PDS5B: variants seen among roughly 807,000 people sequenced by gnomAD.
PDS5B encodes PDS5 cohesin associated factor B.
In PDS5B, 51 loss-of-function variants were observed where a neutral mutation model predicts 184.1. That is an observed-to-expected ratio of 0.28 (90% CI 0.22 to 0.35). The LOEUF (loss-of-function observed/expected upper bound fraction) is 0.35, where lower values mean the gene tolerates loss of function less well. Among genes scored for constraint, PDS5B ranks in the 10% least tolerant of loss-of-function variants. The probability of loss-of-function intolerance (pLI) is 1.00; values close to 1 mark genes in which losing one functional copy is unlikely to be tolerated. For synonymous variants in PDS5B, 566 were observed against 569.2 expected, an observed-to-expected ratio of 0.99 and a Z score of 0.08; for missense variants, 1,180 against 1,723.3, an observed-to-expected ratio of 0.68 and a Z score of 5.58.
In PDS5B at chr13:32,770,700, C is replaced by G; in HGVS notation, c.4111C>G (p.Pro1371Ala). Residue 1371 changes from proline (P) to alanine (A), a missense_variant, in exon 33 of 35, where the codon CCA (proline) becomes GCA (alanine). Pro to Ala is a conservative substitution (Grantham distance 27, BLOSUM62 -1). Coordinates refer to ENST00000315596, the MANE Select transcript of PDS5B (RefSeq NM_015032.4). The part of the protein sequence containing the change: ...SSAIESTQST[P>A]QKGRGRPSKT... ...TGCAATTGAATCCACACAGTCCACA[C>G]CACAGAAAGGACGAGGAAGACCATC... is the stretch of plus-strand genomic sequence containing the variant. The G allele has an allele frequency of 6.2e-7, 1 of 1,611,444 alleles. No homozygotes were observed.
intron 1 of PDS5B, among the ~76,000 whole-genome samples, chr13:32,602,256 C>T (rs1244137597): frequency 1.3e-5 from 2 of 152,116 alleles, no homozygotes; most frequent in Non-Finnish European, 1.5e-5. Context: ...CTTCCCCTCA[C>T]CCCACTACAG....
chr13:32,638,799 T>G (rs372378971), intron 1 of PDS5B, among the ~76,000 whole-genome samples: 1 of 151,774 alleles, frequency 6.6e-6, no homozygotes, highest in Non-Finnish European at 1.5e-5. Context: ...ATTTCCTTTC[T>G]GGTATTAGGG....
chr13:32,594,770 G>A (rs1243710393), intron 1 of PDS5B, among the ~76,000 whole-genome samples: 2 of 152,030 alleles, frequency 1.3e-5, no homozygotes, highest in African/African-American at 2.4e-5. Flanking sequence ...TTTTTTTGAT[G>A]TTTCTAATCT....
In PDS5B at chr13:32,651,839, C is replaced by T. The variant is rs1454725407; in HGVS notation, c.144C>T (p.Asp48=). ...AAACTTTTATGGATATGGACCAGGA[C>T]TCTGAAGAAGAAAAGGAGCTTTATT... is the stretch of plus-strand genomic sequence containing the variant. ...VVKTFMDMDQ[D]SEEEKELYLN... Residue 48 remains aspartate (D), a synonymous_variant, in exon 3 of 35, where the codon GAC becomes GAT. Transcript: ENST00000315596. 6.2e-7 allele frequency: 1 copy of T among 1,612,616 alleles called. No individual in the cohort carries two copies.
intron 8 of PDS5B, among the ~76,000 whole-genome samples, chr13:32,674,072 C>T (rs1038251179): frequency 6.6e-6 from 1 of 152,136 alleles, no homozygotes; most frequent in Non-Finnish European, 1.5e-5. Flanking sequence ...GCCTCGGCCT[C>T]CCAATGTTGA....
At position 32,775,716 on chromosome 13, in the gene PDS5B, C is replaced by T. The variant is rs1954936733; in HGVS notation, c.*664C>T. 1 of 455,482 alleles carries T rather than the reference C, an allele frequency of 2.2e-6. No individual in the cohort carries two copies. The highest frequency in any genetic ancestry group is 4.4e-6 in the Non-Finnish European group (1 of 226,438). The allele number at this position is 455,482 out of a possible 1,614,324, so 28.2% of individuals were successfully genotyped here. On this transcript the variant is annotated 3_prime_UTR_variant, in exon 35 of 35. Transcript: ENST00000315596. ...GTCCTGAAGTTCTTGGATTACTTTA[C>T]ACCTCAGTATTGATTTGTCCCAGAA...
At chr13:32,746,269 T>G (rs916145893) in intron 24 of PDS5B, among the ~76,000 whole-genome samples, 169 bp downstream of exon 24, 17 of 152,220 alleles carry the variant, frequency 1.1e-4, no homozygotes, top group Non-Finnish European at 5.9e-5. Context: ...CATTTGAGTT[T>G]TGGGTTGCTA....
intron 13 of PDS5B, chr13:32,690,129 CA>C (rs1398215846): frequency 2.0e-5 from 3 of 152,158 alleles, no homozygotes; most frequent in African/African-American, 7.2e-5. Context: ...ACTGTAAAAA[CA>C]GTAATAATAC....
At chr13:32,684,838 G>C (rs1014714825) in intron 11 of PDS5B, among the ~76,000 whole-genome samples, 1 of 152,184 alleles carries the variant, frequency 6.6e-6, no homozygotes, top group Non-Finnish European at 1.5e-5. Flanking sequence ...TGTAGGCCAG[G>C]TGCAGTAGCT....
At chr13:32,705,520 G>T (rs148398483) in intron 17 of PDS5B, among the ~76,000 whole-genome samples, 1 of 152,094 alleles carries the variant, frequency 6.6e-6, no homozygotes, top group East Asian at 1.9e-4. Context: ...TAATATTTTC[G>T]TAGAAGCATA....
chr13:32,641,123 T>G (rs1950077006), intron 1 of PDS5B, among the ~76,000 whole-genome samples: 1 of 152,018 alleles, frequency 6.6e-6, no homozygotes, highest in East Asian at 1.9e-4. Context: ...GAGTCTGATA[T>G]AGGCCAGTTT....
intron 19 of PDS5B, among the ~76,000 whole-genome samples, chr13:32,716,866 C>T (rs527691686): frequency 7.9e-6 from 1 of 126,748 alleles, no homozygotes; most frequent in South Asian, 2.5e-4. Flanking sequence ...CCCGCCCGGC[C>T]AGCCGCCCCG....
At chr13:32,762,453 A>G (rs545596495) in intron 30 of PDS5B, among the ~76,000 whole-genome samples, 2 of 152,326 alleles carry the variant, frequency 1.3e-5, no homozygotes, top group South Asian at 4.1e-4. Flanking sequence ...TGTTTGTTCT[A>G]GATTCCTGTA....
intron 1 of PDS5B, among the ~76,000 whole-genome samples, chr13:32,600,278 A>G (rs2057952887): frequency 6.6e-6 from 1 of 152,108 alleles, no homozygotes; most frequent in Non-Finnish European, 1.5e-5. Flanking sequence ...AGTAGGTCAC[A>G]TTTTCCTGCT....
chr13:32,602,216 A>G (rs745510552), intron 1 of PDS5B, among the ~76,000 whole-genome samples: 3 of 152,006 alleles, frequency 2.0e-5, no homozygotes, highest in African/African-American at 4.8e-5. Flanking sequence ...TACATTAGGT[A>G]TATCTCCTAA....
At chr13:32,720,651 T>G (rs1399850585) in intron 19 of PDS5B, among the ~76,000 whole-genome samples, 1 of 151,900 alleles carries the variant, frequency 6.6e-6, no homozygotes, top group Admixed American at 6.5e-5. Flanking sequence ...TTTTAAAATT[T>G]TTTTAGTATT....
chr13:32,689,296 A>T (rs556436789), intron 13 of PDS5B: 1 of 152,284 alleles, frequency 6.6e-6, no homozygotes, highest in East Asian at 1.9e-4. Flanking sequence ...CATTTGTACC[A>T]CTGTTTAATG....
At chr13:32,685,897 C>G (rs1298825377) in intron 11 of PDS5B, among the ~76,000 whole-genome samples, 1 of 151,946 alleles carries the variant, frequency 6.6e-6, no homozygotes, top group Non-Finnish European at 1.5e-5. Context: ...ACCTCGGCCT[C>G]CCAAAGTGTT....
chr13:32,695,893 T>C (rs1388541886), intron 14 of PDS5B, among the ~76,000 whole-genome samples: 2 of 152,056 alleles, frequency 1.3e-5, no homozygotes, highest in Non-Finnish European at 2.9e-5. Flanking sequence ...TTGCTTGTCT[T>C]AAAATAATTA....
Sources: gnomAD v4.1 joint callset for allele counts (sites outside exome capture counted in the v4.1 genomes callset) on GRCh38, gnomAD v4.1.1 for gene constraint, MANE v1.5 for transcripts, NCBI Gene and HGNC (gene_info 2026-07-23, HGNC 2026-07-21) for gene names.